Variants in RBFOX1 observed in about 807,000 individuals in gnomAD.
The protein encoded by RBFOX1 is RNA binding protein fox-1 homolog 1.
In RBFOX1, 8 loss-of-function variants were observed where a neutral mutation model predicts 57.7. That is an observed-to-expected ratio of 0.14 (90% CI 0.08 to 0.25). The LOEUF (loss-of-function observed/expected upper bound fraction) is 0.25. RBFOX1 is among the 10% of genes least tolerant of loss of function. The pLI is 1.00. For missense variants in RBFOX1, 611 were observed against 548.5 expected (o/e 1.11, Z -1.14); for synonymous variants, 326 against 222.4 (o/e 1.47, Z -4.15).
intron 3 of RBFOX1, among the ~76,000 whole-genome samples, chr16:5,770,991 G>A (rs1418230187): frequency 6.6e-6 from 1 of 152,198 alleles, no homozygotes; most frequent in Non-Finnish European, 1.5e-5. Context: ...TTTGCTGGAG[G>A]TGTGGTCTGC....
intron 4 of RBFOX1, among the ~76,000 whole-genome samples, chr16:7,171,500 G>A (rs1263042429): frequency 6.6e-6 from 1 of 152,202 alleles, no homozygotes; most frequent in East Asian, 1.9e-4. Context: ...TTCTTTCAGT[G>A]TGAATCCTTA....
At chr16:6,625,407 T>C (rs2098291226) in intron 2 of RBFOX1, among the ~76,000 whole-genome samples, 1 of 152,160 alleles carries the variant, frequency 6.6e-6, no homozygotes, top group Admixed American at 6.6e-5. Flanking sequence ...ATAGATGGCA[T>C]GTATAGGTGT....
chr16:6,844,757 G>T (rs549837123), intron 3 of RBFOX1, among the ~76,000 whole-genome samples: 1 of 152,248 alleles, frequency 6.6e-6, no homozygotes, highest in East Asian at 1.9e-4. Context: ...TTGAGGAATT[G>T]TTAGACCATC....
At chr16:6,732,304 G>C (rs1015078137) in intron 3 of RBFOX1, among the ~76,000 whole-genome samples, 1 of 152,154 alleles carries the variant, frequency 6.6e-6, no homozygotes, top group African/African-American at 2.4e-5. Flanking sequence ...AGAATTCACC[G>C]TCTCGGCCCC....
intron 3 of RBFOX1, among the ~76,000 whole-genome samples, chr16:5,666,559 T>C (rs1335430502): frequency 6.6e-6 from 1 of 152,166 alleles, no homozygotes; most frequent in East Asian, 1.9e-4. Context: ...ATAGATGATA[T>C]ATTAAATACG....
At chr16:5,886,503 C>T (rs970923430) in intron 4 of RBFOX1, among the ~76,000 whole-genome samples, 5 of 152,204 alleles carry the variant, frequency 3.3e-5, no homozygotes, top group South Asian at 2.1e-4. Flanking sequence ...TTCTCAATGG[C>T]TATTTTAATT....
intron 3 of RBFOX1, among the ~76,000 whole-genome samples, chr16:5,742,947 G>A (rs1481574131): frequency 6.6e-6 from 1 of 152,190 alleles, no homozygotes; most frequent in African/African-American, 2.4e-5. Context: ...TCACAGCAGG[G>A]ACAACAGACA....
At chr16:5,993,970 G>A (rs952707960) in intron 4 of RBFOX1, among the ~76,000 whole-genome samples, 15 of 152,182 alleles carry the variant, frequency 9.9e-5, no homozygotes, top group African/African-American at 3.4e-4. Context: ...TGCTGGGGAT[G>A]TTGGCACGTA....
At chr16:7,017,271 C>T (rs759568929) in intron 3 of RBFOX1, among the ~76,000 whole-genome samples, 3 of 152,100 alleles carry the variant, frequency 2.0e-5, no homozygotes, top group African/African-American at 4.8e-5. Flanking sequence ...TGCCAAGGCC[C>T]AAGTATAGAA....
chr16:6,900,271 T>C (rs770055759), intron 3 of RBFOX1, among the ~76,000 whole-genome samples: 3 of 152,202 alleles, frequency 2.0e-5, no homozygotes, highest in African/African-American at 7.2e-5. Flanking sequence ...AAAGTCAATA[T>C]GTGTATTTCT....
At chr16:5,884,258 G>T (rs760751048) in intron 4 of RBFOX1, among the ~76,000 whole-genome samples, 5 of 152,192 alleles carry the variant, frequency 3.3e-5, no homozygotes, top group African/African-American at 9.7e-5. Context: ...CTCCCCAGCA[G>T]AGTGTTGTCC....
In RBFOX1 at chr16:6,906,519, A is replaced by G. The variant is rs542620554; in HGVS notation, c.-15-145538A>G. Among the ~76,000 whole-genome samples, 8 of 152,276 alleles carry G rather than the reference A, an allele frequency of 5.3e-5. No individual in the cohort carries two copies. The East Asian group carries it at 5.8e-4, about 11-fold the overall frequency. ...AAAAAAGTGAGTTTATATAACCGCA[A>G]TCTAATCTCTAGAAACTTTTCTTTA... On this transcript the variant is annotated intron_variant, in intron 3 of 15. Transcript: ENST00000550418.
chr16:6,532,753 C>G (rs944298410), intron 2 of RBFOX1, among the ~76,000 whole-genome samples: 4 of 152,128 alleles, frequency 2.6e-5, no homozygotes, highest in African/African-American at 9.7e-5. Context: ...GGGTTTATGT[C>G]TTTTTAGGGC....
At chr16:7,082,340 G>A in intron 4 of RBFOX1, among the ~76,000 whole-genome samples, 1 of 152,062 alleles carries the variant, frequency 6.6e-6, no homozygotes, top group Non-Finnish European at 1.5e-5. Flanking sequence ...CAGCACTTTG[G>A]GAGGCCGAGG....
intron 2 of RBFOX1, among the ~76,000 whole-genome samples, chr16:6,564,062 C>T (rs1442404599): frequency 6.6e-6 from 1 of 152,098 alleles, no homozygotes; most frequent in African/African-American, 2.4e-5. Context: ...CCTTCACCTC[C>T]ACCAACCTTA....
At chr16:7,276,410 C>T (rs553218276) in intron 4 of RBFOX1, among the ~76,000 whole-genome samples, 1 of 152,322 alleles carries the variant, frequency 6.6e-6, no homozygotes, top group South Asian at 2.1e-4. Context: ...AGAGCCTGGA[C>T]ATCCATTAGA....
At chr16:6,570,016 G>A (rs1406091413) in intron 2 of RBFOX1, among the ~76,000 whole-genome samples, 3 of 152,156 alleles carry the variant, frequency 2.0e-5, no homozygotes, top group Non-Finnish European at 2.9e-5. Context: ...TTCTCTTCTG[G>A]TTTAGAGGAC....
intron 4 of RBFOX1, among the ~76,000 whole-genome samples, chr16:7,256,179 C>T (rs374147862): frequency 1.3e-5 from 2 of 152,100 alleles, no homozygotes; most frequent in African/African-American, 2.4e-5. Flanking sequence ...TCAGTCGAGG[C>T]GAGAAGCTGG....
chr16:7,132,582 C>G (rs1450076745), intron 4 of RBFOX1, among the ~76,000 whole-genome samples: 3 of 148,682 alleles, frequency 2.0e-5, no homozygotes, highest in African/African-American at 7.5e-5. Flanking sequence ...TTTATGAAGG[C>G]AGAAGTAAAC....
Sources: gnomAD v4.1 joint callset for allele counts (sites outside exome capture counted in the v4.1 genomes callset) on GRCh38, gnomAD v4.1.1 for gene constraint, MANE v1.5 for transcripts, NCBI Gene and HGNC (gene_info 2026-07-23, HGNC 2026-07-21) for gene names.